Variants in RETREG1 observed in about 807,000 individuals in gnomAD.
The protein encoded by RETREG1 is reticulophagy regulator 1.
In RETREG1, 44 loss-of-function variants were observed where a neutral mutation model predicts 54.8. The ratio of observed to expected loss-of-function variants is 0.80; its 90% confidence interval spans 0.63 to 1.03. The LOEUF is 1.03. Among genes scored for constraint, RETREG1 ranks in the 50% least tolerant of loss-of-function variants. RETREG1 has a pLI of 0.00. For missense variants in RETREG1, 554 were observed against 605.1 expected (o/e 0.92, Z 0.89); for synonymous variants, 217 against 238.5 (o/e 0.91, Z 0.83).
At chr5:16,525,488 TG>T (rs1740686903) in intron 3 of RETREG1, among the ~76,000 whole-genome samples, 1 of 152,196 alleles carries the variant, frequency 6.6e-6, no homozygotes, top group Non-Finnish European at 1.5e-5. Flanking sequence ...TCACAGTGAA[TG>T]AAGTTACACA....
intron 3 of RETREG1, among the ~76,000 whole-genome samples, chr5:16,515,564 A>T (rs16868714): frequency 0.1 from 15,283 of 152,186 alleles, 867 homozygotes; most frequent in Non-Finnish European, 0.11. Flanking sequence ...TCTAGCAATA[A>T]CTCACTTGTC....
intron 1 of RETREG1, among the ~76,000 whole-genome samples, chr5:16,602,886 T>C (rs1235250879): frequency 6.6e-6 from 1 of 152,090 alleles, no homozygotes; most frequent in Non-Finnish European, 1.5e-5. Context: ...AGCATGCCTG[T>C]AATCCCAGCT....
intron 5 of RETREG1, among the ~76,000 whole-genome samples, chr5:16,479,582 A>T (rs1482363662): frequency 6.6e-6 from 1 of 152,012 alleles, no homozygotes; most frequent in East Asian, 1.9e-4. Flanking sequence ...CTTCTCCTTT[A>T]CCTCCTAAAC....
intron 3 of RETREG1, among the ~76,000 whole-genome samples, chr5:16,513,258 C>A (rs1212932058): frequency 6.6e-6 from 1 of 152,088 alleles, no homozygotes; most frequent in Non-Finnish European, 1.5e-5. Context: ...AGAACTCCAG[C>A]CAATTTCATG....
intron 3 of RETREG1, among the ~76,000 whole-genome samples, chr5:16,511,656 C>G (rs947662704): frequency 6.6e-6 from 1 of 152,150 alleles, no homozygotes; most frequent in Admixed American, 6.5e-5. Flanking sequence ...CCCCGTATTA[C>G]TATAAAGAAA....
Position 16,550,275 on chromosome 5 carries a change from T to TAA in RETREG1, c.458+15486_458+15487dup, listed in dbSNP as rs5866190. On this transcript the variant is annotated intron_variant, in intron 3 of 8. Transcript: ENST00000306320. The stretch of plus-strand genomic sequence containing the variant: ...TGCATAGTCCCTCCTCTTTAAAATT[T>TAA]AAAAAAAAAAAAGCGTTAAAGGAAA... Among the ~76,000 whole-genome samples the TAA allele has an allele frequency of 1.7e-3, 255 of 148,322 alleles. 2 individuals are homozygous for TAA. Among genetic ancestry groups the TAA allele is most frequent in the South Asian group, 0.01 (48 of 4,662 alleles).
intron 3 of RETREG1, among the ~76,000 whole-genome samples, chr5:16,548,633 T>A (rs1741451885): frequency 6.6e-6 from 1 of 152,254 alleles, no homozygotes; most frequent in East Asian, 1.9e-4. Context: ...GTATTCATTA[T>A]TAATGTGGTT....
intron 8 of RETREG1, among the ~76,000 whole-genome samples, chr5:16,476,074 T>C (rs1738524790): frequency 6.6e-6 from 1 of 152,152 alleles, no homozygotes; most frequent in African/African-American, 2.4e-5. Flanking sequence ...GACCTCAAAT[T>C]GTAGGTACTG....
In RETREG1 at chr5:16,594,200, C is replaced by T. The variant is rs866978185; in HGVS notation, c.321-22098G>A. Among the ~76,000 whole-genome samples the T allele has an allele frequency of 1.1e-4, 16 of 152,318 alleles. No homozygotes were observed. Among genetic ancestry groups the T allele is most frequent in the Middle Eastern group, 3.4e-3 (1 of 294 alleles). Reference sequence around the variant, plus strand: ...TAAACTTCTCAGTCATACAGTGCATCGATGTACAAGGGTGCTGAACCTTTT... The same window carrying T: ...TAAACTTCTCAGTCATACAGTGCATTGATGTACAAGGGTGCTGAACCTTTT... On this transcript the variant is annotated intron_variant, in intron 1 of 8. Transcript: ENST00000306320. The surrounding 1 kb of genome is among the most constrained non-coding windows in gnomAD (Gnocchi z 4.4).
intron 1 of RETREG1, among the ~76,000 whole-genome samples, chr5:16,578,003 C>G (rs1189746677): frequency 6.6e-6 from 1 of 152,146 alleles, no homozygotes; most frequent in East Asian, 1.9e-4. Context: ...CAGACTCATA[C>G]GTTTTCTTAT....
chr5:16,616,769 ACCGCGGCCGCCGCCCGGC>A lies in RETREG1; in HGVS notation c.185_202del (p.Gly62_Ala67del), dbSNP rs1743526194. The A allele has an allele frequency of 6.5e-7, 1 of 1,545,730 alleles. No homozygotes were observed. Among genetic ancestry groups the A allele is most frequent in the South Asian group, 1.2e-5 (1 of 85,096 alleles). ...CACCGGCTCCCCGAGCAGCCAGGTTACCGCGGCCGCCGCCCGGCCCGCGGCCTCCTCCACCTGCAACCC... is the reference window on the plus strand; with the variant it reads ...CACCGGCTCCCCGAGCAGCCAGGTTACCGCGGCCTCCTCCACCTGCAACCC... On this transcript the variant is annotated inframe_deletion, in exon 1 of 9. Coordinates refer to ENST00000306320, the MANE Select transcript of RETREG1 (RefSeq NM_001034850.3).
In RETREG1 at chr5:16,593,477, T is replaced by C. The variant is rs1485766791; in HGVS notation, c.321-21375A>G. Among the ~76,000 whole-genome samples, 3 of 152,198 alleles carry C rather than the reference T, an allele frequency of 2.0e-5. No homozygotes were observed. Among genetic ancestry groups the C allele is most frequent in the African/African-American group, 4.8e-5 (2 of 41,454 alleles). Reference sequence around the variant, plus strand: ...GTATTTGTTGTACAAATGATTCAATTAATGTAATTAATTAACCATGCATGT... The same window carrying C: ...GTATTTGTTGTACAAATGATTCAATCAATGTAATTAATTAACCATGCATGT... On this transcript the variant is annotated intron_variant, in intron 1 of 8. Coordinates refer to ENST00000306320, the MANE Select transcript of RETREG1 (RefSeq NM_001034850.3). This position sits in a 1 kb window ranked among gnomAD's most constrained non-coding sequence, Gnocchi z 4.9.
chr5:16,484,751 G>A (rs1738951905), intron 3 of RETREG1, among the ~76,000 whole-genome samples: 1 of 152,050 alleles, frequency 6.6e-6, no homozygotes, highest in African/African-American at 2.4e-5. Context: ...TTAAAAGGGG[G>A]GAAGTATACC....
chr5:16,599,896 G>A (rs1453572315), intron 1 of RETREG1, among the ~76,000 whole-genome samples: 6 of 152,318 alleles, frequency 3.9e-5, no homozygotes, highest in East Asian at 1.9e-4. Context: ...ATAACTGAGC[G>A]AGCAGCAGAA....
At position 16,503,134 on chromosome 5, in the gene RETREG1, C is replaced by T. The variant is rs150825176; in HGVS notation, c.459-19662G>A. Reference sequence around the variant, plus strand: ...TTCACAGGGGCGTGATTACAGGAAGCTCACTGGGGCACTGAAAAGGTTTAG... The same window carrying T: ...TTCACAGGGGCGTGATTACAGGAAGTTCACTGGGGCACTGAAAAGGTTTAG... On this transcript the variant is annotated intron_variant, in intron 3 of 8. Coordinates refer to ENST00000306320, the MANE Select transcript of RETREG1 (RefSeq NM_001034850.3). Among the ~76,000 whole-genome samples the T allele has an allele frequency of 5.9e-5, 9 of 152,316 alleles. No homozygotes were observed. The East Asian group carries it at 1.4e-3, about 23-fold the overall frequency.
chr5:16,547,489 T>G (rs1579672003), intron 3 of RETREG1, among the ~76,000 whole-genome samples: 1 of 152,356 alleles, frequency 6.6e-6, no homozygotes, highest in East Asian at 1.9e-4. Context: ...CGCTCTTAAC[T>G]TTTGTTGAAA....
At chr5:16,601,197 T>A (rs1743043184) in intron 1 of RETREG1, among the ~76,000 whole-genome samples, 1 of 151,926 alleles carries the variant, frequency 6.6e-6, no homozygotes, top group African/African-American at 2.4e-5. Flanking sequence ...CAAGATCCCA[T>A]CTTAACAAAA....
chr5:16,564,417 C>A (rs1181702467), intron 3 of RETREG1, among the ~76,000 whole-genome samples: 1 of 152,188 alleles, frequency 6.6e-6, no homozygotes, highest in African/African-American at 2.4e-5. Context: ...GCACTTGGAG[C>A]ATGAAGCAGA....
Position 16,585,960 on chromosome 5 carries a change from C to T in RETREG1, c.321-13858G>A, listed in dbSNP as rs958977505. Among the ~76,000 whole-genome samples, 2 of 152,180 alleles carry T rather than the reference C, an allele frequency of 1.3e-5. No homozygotes were observed. Among genetic ancestry groups the T allele is most frequent in the African/African-American group, 4.8e-5 (2 of 41,438 alleles). ...ACCTCCCACCACACCCCACCTCCAA[C>T]ACTGGGGATCACATTGCAGCCTGAG... On this transcript the variant is annotated intron_variant, in intron 1 of 8. Transcript: ENST00000306320. This position sits in a 1 kb window ranked among gnomAD's most constrained non-coding sequence, Gnocchi z 4.5.
Sources: allele counts gnomAD v4.1 joint callset (sites outside exome capture counted in the v4.1 genomes callset), GRCh38; gene constraint gnomAD v4.1.1; non-coding constraint Gnocchi (gnomAD v3.1); transcripts MANE v1.5; gene names NCBI Gene and HGNC (gene_info 2026-07-23, HGNC 2026-07-21).